Variants in AFF3 observed in about 807,000 individuals in gnomAD.
AFF3 encodes the protein ALF transcription elongation factor 3.
AFF3 carries 32 observed loss-of-function variants against 129.7 expected under a neutral mutation model. The ratio of observed to expected loss-of-function variants is 0.25; its 90% CI spans 0.19 to 0.33. The LOEUF (loss-of-function observed/expected upper bound fraction) is 0.33, where lower values mean the gene tolerates loss of function less well. Among genes scored for constraint, AFF3 ranks in the 10% least tolerant of loss-of-function variants. The pLI is 1.00. For missense variants in AFF3, 1,373 were observed against 1,592.0 expected (o/e 0.86, Z 2.34); for synonymous variants, 644 against 635.4 (o/e 1.01, Z -0.20).
intron 7 of AFF3, among the ~76,000 whole-genome samples, chr2:99,847,743 G>A (rs540016871): frequency 6.6e-6 from 1 of 152,016 alleles, no homozygotes; most frequent in African/African-American, 2.4e-5. Context: ...AGTGACTGCT[G>A]ACCACTGAAT....
intron 7 of AFF3, among the ~76,000 whole-genome samples, chr2:99,927,997 T>G (rs558739384): frequency 4.6e-4 from 70 of 152,252 alleles, no homozygotes; most frequent in South Asian, 2.7e-3. Context: ...GTTTTAAAAA[T>G]GGGAGTTCCC....
intron 11 of AFF3, among the ~76,000 whole-genome samples, chr2:99,694,251 C>CT (rs1272217674): frequency 6.6e-6 from 1 of 152,170 alleles, no homozygotes; most frequent in Admixed American, 6.5e-5. Context: ...GAGATAGGTG[C>CT]TTTAGACGTT....
At chr2:100,011,000 C>T (rs1358869445) in intron 4 of AFF3, among the ~76,000 whole-genome samples, 7 of 152,176 alleles carry the variant, frequency 4.6e-5, no homozygotes, top group African/African-American at 1.2e-4. Flanking sequence ...AGCAGCCGGG[C>T]GCTGTGGCTC....
chr2:100,128,686 A>G (rs952042076), intron 2 of AFF3, among the ~76,000 whole-genome samples: 18 of 152,324 alleles, frequency 1.2e-4, no homozygotes, highest in South Asian at 8.3e-4. Context: ...GTGAAATGGG[A>G]CACAAGGGTA....
intron 7 of AFF3, among the ~76,000 whole-genome samples, chr2:99,990,932 G>A (rs1680282232): frequency 6.6e-6 from 1 of 152,124 alleles, no homozygotes; most frequent in African/African-American, 2.4e-5. Context: ...GGAAAAAGGA[G>A]ACCACAGTTT....
intron 8 of AFF3, among the ~76,000 whole-genome samples, chr2:99,782,773 T>A (rs1266205356): frequency 1.3e-5 from 2 of 152,224 alleles, no homozygotes; most frequent in African/African-American, 4.8e-5. Flanking sequence ...GCAGGTAACA[T>A]TAGTGTTCTA....
At chr2:99,916,963 T>G (rs751792327) in intron 7 of AFF3, among the ~76,000 whole-genome samples, 1 of 152,094 alleles carries the variant, frequency 6.6e-6, no homozygotes, top group African/African-American at 2.4e-5. Context: ...CTCAGAATAT[T>G]TGCACTTTCT....
intron 11 of AFF3, among the ~76,000 whole-genome samples, chr2:99,711,525 G>A (rs961029600): frequency 6.6e-6 from 1 of 152,168 alleles, no homozygotes; most frequent in Admixed American, 6.5e-5. Flanking sequence ...GAGAACCTGC[G>A]ATCTAGGGGT....
chr2:99,785,039 G>C (rs1237075894), intron 8 of AFF3, among the ~76,000 whole-genome samples: 3 of 152,148 alleles, frequency 2.0e-5, no homozygotes, highest in Non-Finnish European at 4.4e-5. Context: ...ATACAGCAGC[G>C]ATGTTGCGCC....
At chr2:99,651,526 C>G (rs1465337135) in intron 12 of AFF3, among the ~76,000 whole-genome samples, 1 of 152,018 alleles carries the variant, frequency 6.6e-6, no homozygotes, top group African/African-American at 2.4e-5. Context: ...ACTGCAACCT[C>G]TGCCTCCCAG....
At chr2:99,578,482 A>T (rs771001491) in intron 17 of AFF3, 31 bp from the exon 18 acceptor site, 30 of 1,605,348 alleles carry the variant, frequency 1.9e-5, no homozygotes, top group Non-Finnish European at 2.5e-5. Context: ...ATCTTTGAGA[A>T]ATTGGCCACC....
chr2:99,953,545 G>T (rs1455036645), intron 7 of AFF3, among the ~76,000 whole-genome samples: 1 of 152,182 alleles, frequency 6.6e-6, no homozygotes. Context: ...CAAACTACAA[G>T]TCTTAGAAGA....
chr2:99,996,527 AT>A (rs756231548), intron 7 of AFF3, among the ~76,000 whole-genome samples: 6,847 of 113,822 alleles, frequency 0.06, 306 homozygotes, highest in African/African-American at 0.22. Flanking sequence ...CGCCCGGCTA[AT>A]TTTTTTTTTT....
intron 8 of AFF3, among the ~76,000 whole-genome samples, chr2:99,807,155 C>A (rs987913920): frequency 2.0e-5 from 3 of 152,108 alleles, no homozygotes; most frequent in Non-Finnish European, 4.4e-5. Context: ...ATGAATTGAA[C>A]CTGTCACCCA....
intron 4 of AFF3, among the ~76,000 whole-genome samples, chr2:100,038,316 C>T (rs1685144291): frequency 6.6e-6 from 1 of 151,782 alleles, no homozygotes. Flanking sequence ...CAACCCCATT[C>T]ACTTTGGGAT....
intron 7 of AFF3, among the ~76,000 whole-genome samples, chr2:99,910,128 A>G (rs1695012599): frequency 1.3e-5 from 2 of 152,256 alleles, no homozygotes; most frequent in African/African-American, 4.8e-5. Context: ...GAGCATTACT[A>G]CAATGCTATC....
chr2:100,032,296 G>A (rs1684558389), intron 4 of AFF3, among the ~76,000 whole-genome samples: 1 of 152,088 alleles, frequency 6.6e-6, no homozygotes, highest in Admixed American at 6.6e-5. Context: ...AGGTGTGGTG[G>A]CGGGCACCTG....
chr2:100,069,963 C>T (rs560256226), intron 4 of AFF3, among the ~76,000 whole-genome samples: 1 of 152,174 alleles, frequency 6.6e-6, no homozygotes, highest in Non-Finnish European at 1.5e-5. Context: ...TACACTCACT[C>T]CTTTAAAATC....
At chr2:99,616,753 C>CA (rs967512095) in intron 13 of AFF3, among the ~76,000 whole-genome samples, 56 of 150,596 alleles carry the variant, frequency 3.7e-4, no homozygotes, top group African/African-American at 1.2e-3. Context: ...GAGACTGTCT[C>CA]AAAAAAAAAG....
Sources: gnomAD v4.1 joint callset for allele counts (sites outside exome capture counted in the v4.1 genomes callset) on GRCh38, gnomAD v4.1.1 for gene constraint, MANE v1.5 for transcripts, NCBI Gene and HGNC (gene_info 2026-07-23, HGNC 2026-07-21) for gene names.